Variants in TASOR2 observed in about 807,000 individuals in gnomAD.
The protein encoded by TASOR2 is transcription activation suppressor family member 2.
Under a neutral mutation model 199.5 loss-of-function variants are expected in TASOR2, and 84 were observed. The observed-to-expected ratio is 0.42, with a 90% CI of 0.35 to 0.50. The LOEUF (loss-of-function observed/expected upper bound fraction) is 0.50. Ranked by LOEUF, TASOR2 falls within the 20% of genes least tolerant of loss-of-function variation. TASOR2 has a pLI of 0.02. For missense variants in TASOR2, 2,796 were observed against 2,835.9 expected (o/e 0.99, Z 0.32); for synonymous variants, 1,103 against 1,046.6 (o/e 1.05, Z -1.04).
intron 11 of TASOR2, among the ~76,000 whole-genome samples, chr10:5,732,721 A>C (rs1485067973): frequency 6.8e-6 from 1 of 147,508 alleles, no homozygotes; most frequent in East Asian, 2.0e-4. Context: ...CTAATTTTTA[A>C]AATTTTTTTG....
chr10:5,708,649 TTCC>T (rs1172429232), intron 1 of TASOR2, among the ~76,000 whole-genome samples: 2 of 75,074 alleles, frequency 2.7e-5, no homozygotes, highest in Admixed American at 1.7e-4. Context: ...CCTTCCTTCC[TTCC>T]TTCCTTTCCT....
intron 18 of TASOR2, among the ~76,000 whole-genome samples, chr10:5,760,071 T>C (rs1240529525): frequency 6.6e-6 from 1 of 152,214 alleles, no homozygotes; most frequent in Non-Finnish European, 1.5e-5. Flanking sequence ...CTGAGAAACG[T>C]CATAAGACGA....
At chr10:5,735,583 A>G (rs1041416197) in intron 12 of TASOR2, 37 bp downstream of exon 13, 8 of 1,598,386 alleles carry the variant, frequency 5.0e-6, no homozygotes, top group Middle Eastern at 1.7e-4. Flanking sequence ...AAACACCCCA[A>G]TACAGATCTA....
chr10:5,751,191 T>C lies in TASOR2; in HGVS notation c.6606+1164T>C, dbSNP rs557810070. Among the ~76,000 whole-genome samples the C allele has an allele frequency of 6.6e-6, 1 of 152,330 alleles. No individual in the cohort carries two copies. Among genetic ancestry groups the C allele is most frequent in the African/African-American group, 2.4e-5 (1 of 41,566 alleles). On this transcript the variant is annotated intron_variant, in intron 15 of 20. Coordinates refer to ENST00000328090, the Ensembl canonical transcript of TASOR2. This position sits in a 1 kb window ranked among gnomAD's most constrained non-coding sequence, Gnocchi z 5.3. ...GCCAGGTTTCTCCAGTGTAAAGTTA[T>C]GTTGAACTTAGTAATAAGTTGGGAG...
At chr10:5,705,702 G>A (rs11595421) in intron 1 of TASOR2, among the ~76,000 whole-genome samples, 14,053 of 152,018 alleles carry the variant, frequency 0.092, 772 homozygotes, top group South Asian at 0.13. Context: ...GTTTTAATTA[G>A]CACTTCCCTG....
Position 5,722,949 on chromosome 10 carries a change from A to G in TASOR2, c.147-728A>G, listed in dbSNP as rs1158742087. ...CTTGAACCCGGGAGTCAGAGGTTGC[A>G]GTGAGCTGAGATCGCACCACTGCAC... On this transcript the variant is annotated intron_variant, in intron 6 of 20. Transcript: ENST00000328090. The surrounding 1 kb of genome is among the most constrained non-coding windows in gnomAD (Gnocchi z 4.0). 6.6e-6 allele frequency among the ~76,000 whole-genome samples: 1 copy of G among 150,760 alleles called. No homozygotes were observed. The highest frequency in any genetic ancestry group is 1.5e-5 in the Non-Finnish European group (1 of 67,650).
chr10:5,701,921 CTTCT>C lies in TASOR2; in HGVS notation c.-287-10899_-287-10896del, dbSNP rs1389091730. ...ATCTGTGAACAGGCTTATTTGACTT[CTTCT>C]TTTCTGATTTGGATGCCCTCTATTT... On this transcript the variant is annotated intron_variant, in intron 1 of 20. Coordinates refer to ENST00000328090, the Ensembl canonical transcript of TASOR2. This position sits in a 1 kb window ranked among gnomAD's most constrained non-coding sequence, Gnocchi z 4.9. 3.6e-5 allele frequency among the ~76,000 whole-genome samples: 3 copies of C among 83,570 alleles called. No homozygotes were observed. The highest frequency in any genetic ancestry group is 6.7e-4 in the East Asian group (2 of 2,964). The allele number at this position is 83,570 out of a possible 152,430, so 54.8% of individuals were successfully genotyped here.
chr10:5,723,075 G>A (rs1165663597), intron 6 of TASOR2, among the ~76,000 whole-genome samples: 1 of 96,772 alleles, frequency 1.0e-5, no homozygotes, highest in African/African-American at 4.1e-5. Flanking sequence ...TTTTTGAGAC[G>A]GAGTCTCGCT....
In TASOR2 at chr10:5,748,899, C is replaced by T. The variant is rs2131631134; in HGVS notation, c.5478C>T (p.Leu1826=). ...TGAATTCCGACATGCACTATGAACT[C>T]TCTGGAGATTCTGATCTAGACCTGC... is the stretch of plus-strand genomic sequence containing the variant. Residue 1826 remains leucine (L), a synonymous_variant, in exon 15 of 21, where the codon CTC becomes CTT. Transcript: ENST00000328090. This position sits in a 1 kb window ranked among gnomAD's most constrained non-coding sequence, Gnocchi z 5.1. 2.5e-6 allele frequency: 4 copies of T among 1,614,138 alleles called. No individual in the cohort carries two copies. The highest frequency in any genetic ancestry group is 1.1e-5 in the South Asian group (1 of 91,076).
chr10:5,718,779 G>A (rs1196554471), intron 3 of TASOR2, among the ~76,000 whole-genome samples: 8 of 137,378 alleles, frequency 5.8e-5, no homozygotes, highest in South Asian at 2.4e-4. Context: ...AAAAAAAAAA[G>A]TGGTGGGGGA....
Position 5,753,603 on chromosome 10 carries a change from G to A in TASOR2, c.6607-3010G>A, listed in dbSNP as rs1262759329. 7.9e-5 allele frequency among the ~76,000 whole-genome samples: 12 copies of A among 152,114 alleles called. No individual in the cohort carries two copies. The South Asian group carries it at 8.3e-4, about 10-fold the overall frequency. On this transcript the variant is annotated intron_variant, in intron 15 of 20. Coordinates refer to ENST00000328090, the Ensembl canonical transcript of TASOR2. The stretch of plus-strand genomic sequence containing the variant: ...TCTCAATCTCCTGACCTTGTGATCC[G>A]CCTACCTTGGCCTCCCAAAGTGCTG...
At chr10:5,723,373 A>G (rs772827916) in intron 6 of TASOR2, among the ~76,000 whole-genome samples, 2 of 151,964 alleles carry the variant, frequency 1.3e-5, no homozygotes, top group Non-Finnish European at 2.9e-5. Flanking sequence ...CATAAATAGC[A>G]TAATTTTTTT....
rs1214899742 is a variant in TASOR2 at position 5,699,149 on chromosome 10, A to G, written c.-287-13674A>G. 6.6e-6 allele frequency among the ~76,000 whole-genome samples: 1 copy of G among 152,220 alleles called. No individual in the cohort carries two copies. Among genetic ancestry groups the G allele is most frequent in the Non-Finnish European group, 1.5e-5 (1 of 68,018 alleles). ...AAGTGGAATATTATTTGGCATAAAA[A>G]GGTATGAAATATTGATATATGCTTT... On this transcript the variant is annotated intron_variant, in intron 1 of 20. Coordinates refer to ENST00000328090, the Ensembl canonical transcript of TASOR2. The surrounding 1 kb of genome is among the most constrained non-coding windows in gnomAD (Gnocchi z 4.1).
At chr10:5,703,984 G>C (rs182459094) in intron 1 of TASOR2, among the ~76,000 whole-genome samples, 2 of 151,714 alleles carry the variant, frequency 1.3e-5, no homozygotes, top group African/African-American at 4.8e-5. Flanking sequence ...GCACTTTGGG[G>C]GGCCCAGGTG....
chr10:5,718,139 C>G (rs1227586561), intron 3 of TASOR2, among the ~76,000 whole-genome samples: 1 of 152,030 alleles, frequency 6.6e-6, no homozygotes, highest in Non-Finnish European at 1.5e-5. Context: ...TTTCTTTCTC[C>G]ATAAGACATC....
chr10:5,714,391 AT>A (rs1215905160), intron 2 of TASOR2, 184 bp downstream of exon 3: 2 of 382,490 alleles, frequency 5.2e-6, no homozygotes, highest in African/African-American at 2.1e-5. Flanking sequence ...ACTTAACAGT[AT>A]TTTTCAGTGT....
intron 14 of TASOR2, among the ~76,000 whole-genome samples, chr10:5,745,814 A>G (rs1837108108): frequency 6.6e-6 from 1 of 152,178 alleles, no homozygotes; most frequent in Non-Finnish European, 1.5e-5. Flanking sequence ...ATTAAAAACA[A>G]AATTGAATGC....
intron 1 of TASOR2, among the ~76,000 whole-genome samples, chr10:5,686,584 A>G (rs988356227): frequency 2.0e-5 from 3 of 152,246 alleles, no homozygotes; most frequent in Admixed American, 6.5e-5. Context: ...CTGGATAACC[A>G]TGTTGCTAAA....
rs1043968864 is a variant in TASOR2, at chr10:5,750,605, G to C, written c.6606+578G>C. ...TTATTTCTCTTCTATTTCGGGCATAGACAGTATTTTTAAAAATTTAATTGT... is the reference window on the plus strand; with the variant it reads ...TTATTTCTCTTCTATTTCGGGCATACACAGTATTTTTAAAAATTTAATTGT... On this transcript the variant is annotated intron_variant, in intron 15 of 20. Transcript: ENST00000328090. The surrounding 1 kb of genome is among the most constrained non-coding windows in gnomAD (Gnocchi z 5.4). Among the ~76,000 whole-genome samples the C allele has an allele frequency of 2.6e-5, 4 of 152,170 alleles. No individual in the cohort carries two copies. The highest frequency in any genetic ancestry group is 4.4e-5 in the Non-Finnish European group (3 of 68,024).
Sources: allele counts gnomAD v4.1 joint callset (sites outside exome capture counted in the v4.1 genomes callset), GRCh38; gene constraint gnomAD v4.1.1; non-coding constraint Gnocchi (gnomAD v3.1); transcripts MANE v1.5; gene names NCBI Gene and HGNC (gene_info 2026-07-23, HGNC 2026-07-21).